HHATL: variants seen among roughly 807,000 people sequenced by gnomAD.
The protein encoded by HHATL is protein-cysteine N-palmitoyltransferase HHAT-like protein.
HHATL carries 49 observed loss-of-function variants against 59.7 expected under a neutral mutation model. That is an observed-to-expected ratio of 0.82 (90% CI 0.65 to 1.04). The LOEUF is 1.04. HHATL is among the 50% of genes least tolerant of loss of function. The pLI, the probability that HHATL is intolerant of heterozygous loss-of-function variation, is 0.00. For synonymous variants in HHATL, 238 were observed against 257.3 expected (o/e 0.93, Z 0.72); for missense variants, 605 against 650.8 (o/e 0.93, Z 0.77).
intron 9 of HHATL, among the ~76,000 whole-genome samples, chr3:42,694,853 C>T (rs1191782318): frequency 1.3e-5 from 2 of 152,200 alleles, no homozygotes; most frequent in Non-Finnish European, 2.9e-5. Context: ...ACTTCTATCC[C>T]ATTGCAATTT....
chr3:42,695,139 C>A (rs936332035), intron 9 of HHATL, among the ~76,000 whole-genome samples: 2 of 152,158 alleles, frequency 1.3e-5, no homozygotes, highest in Admixed American at 1.3e-4. Context: ...CCACCTCAGC[C>A]ACCCACACCC....
At position 42,694,852 on chromosome 3, in the gene HHATL, C is replaced by G. The variant is rs535889107; in HGVS notation, c.1047-1034G>C. On this transcript the variant is annotated intron_variant, in intron 9 of 11. Coordinates refer to ENST00000441594, the MANE Select transcript of HHATL (RefSeq NM_020707.4). ...TTCTACCCTGTTGTCAACTTCTATCCCATTGCAATTTTATTTTCTTCATAA... is the reference window on the plus strand; with the variant it reads ...TTCTACCCTGTTGTCAACTTCTATCGCATTGCAATTTTATTTTCTTCATAA... Among the ~76,000 whole-genome samples, 7 of 152,286 alleles carry G rather than the reference C, an allele frequency of 4.6e-5. No individual in the cohort carries two copies. In the East Asian group the frequency reaches 7.7e-4, roughly 17 times the overall value.
chr3:42,698,969 C>T, intron 4 of HHATL, 63 bp downstream of exon 4: 3 of 1,610,376 alleles, frequency 1.9e-6, no homozygotes, highest in Admixed American at 1.7e-5. Flanking sequence ...AGGGGGTTCC[C>T]ACAACCCTTG....
Position 42,697,299 on chromosome 3 carries a change from TG to T in HHATL, c.866-155del, listed in dbSNP as rs541340002. On this transcript the variant is annotated intron_variant, in intron 7 of 11. Transcript: ENST00000441594. ...TGGAAATCAGTCATGCCTGGTGAAG[TG>T]GGTGGGGTCCGTGGGATGCTGCTCT... Among the ~76,000 whole-genome samples the T allele has an allele frequency of 5.3e-5, 8 of 152,204 alleles. No homozygotes were observed. The East Asian group carries it at 1.5e-3, about 29-fold the overall frequency.
Position 42,698,268 on chromosome 3 carries a change from G to C in HHATL, c.567C>G (p.Ser189Arg). Residue 189 changes from serine (S) to arginine (R), a missense_variant, in exon 6 of 12, where the codon AGC becomes AGG. Physicochemically the swap from Ser to Arg is moderately radical, Grantham distance 110. Coordinates refer to ENST00000441594, the MANE Select transcript of HHATL (RefSeq NM_020707.4). ...GSSFTVLRCT[S>R]FALESCAHPD... ...GGTGGGCACAGCTCTCCAGTGCAAAGCTGGTGCAACGCAGCACTGTGAAGC... is the reference window on the plus strand; with the variant it reads ...GGTGGGCACAGCTCTCCAGTGCAAACCTGGTGCAACGCAGCACTGTGAAGC... 2 of 1,614,162 alleles carry C rather than the reference G, an allele frequency of 1.2e-6. No homozygotes were observed. The highest frequency in any genetic ancestry group is 1.7e-6 in the Non-Finnish European group (2 of 1,180,004).
intron 7 of HHATL, among the ~76,000 whole-genome samples, 153 bp from the exon 8 acceptor site, chr3:42,697,298 G>A (rs1216662579): frequency 6.6e-6 from 1 of 152,210 alleles, no homozygotes; most frequent in Non-Finnish European, 1.5e-5. Flanking sequence ...GCCTGGTGAA[G>A]TGGGTGGGGT....
intron 10 of HHATL, 139 bp from the exon 11 acceptor site, chr3:42,693,357 C>A: frequency 9.1e-7 from 1 of 1,100,878 alleles, no homozygotes; most frequent in East Asian, 2.5e-5. Context: ...GTCAGCTCTC[C>A]CTCCTTGTTA....
chr3:42,702,233 T>C (rs1223228112), intron 1 of HHATL, among the ~76,000 whole-genome samples: 1 of 152,156 alleles, frequency 6.6e-6, no homozygotes, highest in Non-Finnish European at 1.5e-5. Flanking sequence ...ATCAGGTTAA[T>C]GGAGCAGGAG....
At chr3:42,696,372 T>C (rs1358388762) in intron 9 of HHATL, among the ~76,000 whole-genome samples, 1 of 152,140 alleles carries the variant, frequency 6.6e-6, no homozygotes, top group Non-Finnish European at 1.5e-5. Flanking sequence ...AAAAACCACC[T>C]GCCCACACTC....
intron 3 of HHATL, 51 bp downstream of exon 3, chr3:42,699,707 G>C (rs749255753): frequency 1.4e-6 from 2 of 1,454,656 alleles, no homozygotes; most frequent in South Asian, 2.4e-5. Flanking sequence ...GAACAGCAGA[G>C]AGCAGAGAAG....
At position 42,692,775 on chromosome 3, in the gene HHATL, C is replaced by T; in HGVS notation, c.1491G>A (p.Lys497=). Residue 497 remains lysine, a synonymous_variant, in exon 12 of 12, where the codon AAG becomes AAA. Transcript: ENST00000441594. The part of the protein sequence containing the change: ...ERTLALEEEQ[K]QDKEKPE The stretch of plus-strand genomic sequence containing the variant: ...CCTACTCCGGCTTCTCTTTGTCCTG[C>T]TTCTGCTCCTCCTCCAGTGCCAAGG... 6.2e-7 allele frequency: 1 copy of T among 1,614,238 alleles called. No homozygotes were observed. The highest frequency in any genetic ancestry group is 8.5e-7 in the Non-Finnish European group (1 of 1,180,038).
chr3:42,697,155 G>T lies in HHATL; in HGVS notation c.866-10C>A. On this transcript the variant is annotated splice_polypyrimidine_tract_variant and intron_variant, in intron 7 of 11. Transcript: ENST00000441594. ...GAATAGGCTAGGCCAGCTGGGGGCA[G>T]GGCACTGTCACTGCCTGGGGTCCAA... 1 of 1,517,076 alleles carries T rather than the reference G, an allele frequency of 6.6e-7. No homozygotes were observed. The highest frequency in any genetic ancestry group is 2.3e-5 in the East Asian group (1 of 43,776). 94.0% of individuals were successfully genotyped at this position (1,517,076 alleles called of 1,614,324 possible).
rs538682786 is a variant in HHATL, at chr3:42,696,548, A to G, written c.1046+294T>C. 3.3e-5 allele frequency among the ~76,000 whole-genome samples: 5 copies of G among 152,272 alleles called. No homozygotes were observed. In the South Asian group the frequency reaches 8.3e-4, roughly 25 times the overall value. On this transcript the variant is annotated intron_variant, in intron 9 of 11. Coordinates refer to ENST00000441594, the MANE Select transcript of HHATL (RefSeq NM_020707.4). ...CCCTCCATCCTCCCAGGCTGCAGACAGCAATTTGAGCGTCATCTCCTTCTC... is the reference window on the plus strand; with the variant it reads ...CCCTCCATCCTCCCAGGCTGCAGACGGCAATTTGAGCGTCATCTCCTTCTC...
Position 42,697,531 on chromosome 3 carries a change from T to C in HHATL, c.842A>G (p.Asn281Ser), listed in dbSNP as rs762936433. Residue 281 changes from asparagine to serine, a missense_variant, in exon 7 of 12, where the codon AAC becomes AGC. Coordinates refer to ENST00000441594, the MANE Select transcript of HHATL (RefSeq NM_020707.4). ...LTIPSDLKFA[N>S]RLPDSALAGL... The stretch of plus-strand genomic sequence containing the variant: ...ACCGAGGGCACTGTCTGGGAGGCGG[T>C]TGGCGAACTTGAGGTCGCTGGGGAT... 30 of 1,613,846 alleles carry C rather than the reference T, an allele frequency of 1.9e-5. No homozygotes were observed. The highest frequency in any genetic ancestry group is 2.7e-5 in the African/African-American group (2 of 74,996).
rs748602425 is a variant in HHATL at position 42,693,681 on chromosome 3, A to G, written c.1184T>C (p.Phe395Ser). ...CATCCAGAGCTCAAAGTTGAGGCCA[A>G]AGCAGTTAAGGAATGACCACAGGTA... ...IVYLWSFLNC[F>S]GLNFELWMQK... Residue 395 changes from phenylalanine (F) to serine (S), a missense_variant, in exon 10 of 12, where the codon TTT (phenylalanine) becomes TCT (serine). Phe to Ser is a radical substitution (Grantham distance 155). Coordinates refer to ENST00000441594, the MANE Select transcript of HHATL (RefSeq NM_020707.4). 6.2e-7 allele frequency: 1 copy of G among 1,614,084 alleles called. No homozygotes were observed. The highest frequency in any genetic ancestry group is 8.5e-7 in the Non-Finnish European group (1 of 1,180,000).
intron 9 of HHATL, among the ~76,000 whole-genome samples, chr3:42,696,373 G>A (rs1697610391): frequency 3.9e-5 from 6 of 151,958 alleles, no homozygotes; most frequent in Admixed American, 2.6e-4. Flanking sequence ...AAAACCACCT[G>A]CCCACACTCA....
At chr3:42,692,955 C>T in intron 11 of HHATL, 80 bp from the exon 12 acceptor site, 1 of 1,583,114 alleles carries the variant, frequency 6.3e-7, no homozygotes, top group Non-Finnish European at 8.7e-7. Context: ...CCTCTCCCCG[C>T]TTGATGGGCC....
rs757335026 is a variant in HHATL at position 42,698,682 on chromosome 3, C to A, written c.483+26G>T. On this transcript the variant is annotated intron_variant, in intron 5 of 11. Transcript: ENST00000441594. ...AGAGGTTTGGGATCTTATCCCTACA[C>A]CCTCTACCCCTGCACCAGTTCACAC... 28 of 1,530,976 alleles carry A rather than the reference C, an allele frequency of 1.8e-5. No individual in the cohort carries two copies. The Admixed American group carries it at 6.2e-4, about 34-fold the overall frequency. 94.8% of individuals were successfully genotyped at this position (1,530,976 alleles called of 1,614,324 possible).
chr3:42,694,208 G>T (rs113349313), intron 9 of HHATL: 30 of 224,436 alleles, frequency 1.3e-4, no homozygotes, highest in Middle Eastern at 3.3e-3. Flanking sequence ...CCTCATCTCA[G>T]TGAATGGCAC....
Sources: gnomAD v4.1 joint callset for allele counts (sites outside exome capture counted in the v4.1 genomes callset) on GRCh38, gnomAD v4.1.1 for gene constraint, MANE v1.5 for transcripts, NCBI Gene and HGNC (gene_info 2026-07-23, HGNC 2026-07-21) for gene names.